ZNF462: variants seen among roughly 807,000 people sequenced by gnomAD.
ZNF462 encodes zinc finger PBX1-interacting protein.
Under a neutral mutation model 201.9 loss-of-function variants are expected in ZNF462, and 10 were observed. The ratio of observed to expected loss-of-function variants is 0.05; its 90% CI spans 0.03 to 0.08. The LOEUF (loss-of-function observed/expected upper bound fraction) is 0.08. ZNF462 is among the 10% of genes least tolerant of loss of function. The pLI, the probability that ZNF462 is intolerant of heterozygous loss-of-function variation, is 1.00. For missense variants in ZNF462, 2,523 were observed against 3,168.3 expected (o/e 0.80, Z 4.89); for synonymous variants, 1,227 against 1,193.3 (o/e 1.03, Z -0.58).
rs1222347169 is a variant in ZNF462, at chr9:106,928,218, C to G, written c.4306C>G (p.Pro1436Ala). The G allele has an allele frequency of 1.2e-6, 2 of 1,614,160 alleles. No individual in the cohort carries two copies. The highest frequency in any genetic ancestry group is 1.1e-5 in the South Asian group (1 of 91,080). Reference protein sequence around the residue: ...PVNCENSIPTPFPEQEAECPE... With the variant: ...PVNCENSIPTAFPEQEAECPE... ...GAATTGTGAAAACAGTATACCCACC[C>G]CTTTCCCGGAGCAGGAAGCTGAATG... Residue 1436 changes from proline (P) to alanine (A), a missense_variant, in exon 3 of 13, where the codon CCT becomes GCT. This residue lies in a region of ZNF462 where 165 missense variants were observed against 142.6 expected (regional missense o/e 1.16). Transcript: ENST00000277225. The surrounding 1 kb of genome is among the most constrained non-coding windows in gnomAD (Gnocchi z 9.3).
At chr9:106,909,637 C>T (rs1276448177) in intron 1 of ZNF462, among the ~76,000 whole-genome samples, 3 of 152,104 alleles carry the variant, frequency 2.0e-5, no homozygotes, top group South Asian at 2.1e-4. Flanking sequence ...TTGAATACTT[C>T]GGTATTGTTC....
chr9:106,939,054 C>G lies in ZNF462; in HGVS notation c.6374C>G (p.Ser2125Cys). 1 of 1,613,410 alleles carries G rather than the reference C, an allele frequency of 6.2e-7. No individual in the cohort carries two copies. The highest frequency in any genetic ancestry group is 8.5e-7 in the Non-Finnish European group (1 of 1,179,770). ...ATCGTCAGTCTCCTCTCCTCACACT[C>G]CCACCACTCCTCCCAAAAAGCTACC... ...PRIVSLLSSH[S>C]HHSSQKATPA... Residue 2125 changes from serine to cysteine, a missense_variant, in exon 7 of 13, where the codon TCC (serine) becomes TGC (cysteine). By Grantham distance (112) the Ser-to-Cys change is moderately radical (BLOSUM62 -1). Around this residue, in one of 15 missense-constraint regions of ZNF462, gnomAD observed 138 missense variants for 146.3 expected, o/e 0.94. Transcript: ENST00000277225.
At chr9:106,948,965 C>A (rs1262104540) in intron 7 of ZNF462, among the ~76,000 whole-genome samples, 1 of 152,050 alleles carries the variant, frequency 6.6e-6, no homozygotes, top group Non-Finnish European at 1.5e-5. Context: ...GGCTCACTCA[C>A]CTCCTCAAAA....
At chr9:106,943,594 A>G (rs531911588) in intron 7 of ZNF462, among the ~76,000 whole-genome samples, 10 of 152,152 alleles carry the variant, frequency 6.6e-5, no homozygotes, top group Non-Finnish European at 1.5e-4. Context: ...CTACTAGTCC[A>G]TGACTTTCAC....
chr9:106,864,343 C>G (rs1337124073), intron 1 of ZNF462, among the ~76,000 whole-genome samples: 2 of 151,864 alleles, frequency 1.3e-5, no homozygotes, highest in African/African-American at 4.8e-5. Context: ...ACGCTTGGCT[C>G]TCCTCTGAGG....
At position 106,870,101 on chromosome 9, in the gene ZNF462, T is replaced by C. The variant is rs574667360; in HGVS notation, c.-31+6746T>C. ...AGGATTTTTAAAGTGTTTGGATGTG[T>C]GATTCCAACACAAAGTTAATTATTT... On this transcript the variant is annotated intron_variant, in intron 1 of 12. Coordinates refer to ENST00000277225, the MANE Select transcript of ZNF462 (RefSeq NM_021224.6). This position sits in a 1 kb window ranked among gnomAD's most constrained non-coding sequence, Gnocchi z 4.3. Among the ~76,000 whole-genome samples, 1 of 152,344 alleles carries C rather than the reference T, an allele frequency of 6.6e-6. No homozygotes were observed. The highest frequency in any genetic ancestry group is 1.9e-4 in the East Asian group (1 of 5,182).
Position 106,920,978 on chromosome 9 carries a change from A to G in ZNF462, c.-30-2376A>G, listed in dbSNP as rs2131401409. 6.6e-6 allele frequency among the ~76,000 whole-genome samples: 1 copy of G among 152,316 alleles called. No homozygotes were observed. Reference sequence around the variant, plus strand: ...CTCTCTGCTACACAATGGAGCTTTCAGAGAACCTCCTTTAAAAGGAATAGC... The same window carrying G: ...CTCTCTGCTACACAATGGAGCTTTCGGAGAACCTCCTTTAAAAGGAATAGC... On this transcript the variant is annotated intron_variant, in intron 1 of 12. Coordinates refer to ENST00000277225, the MANE Select transcript of ZNF462 (RefSeq NM_021224.6). The surrounding 1 kb of genome is among the most constrained non-coding windows in gnomAD (Gnocchi z 4.3).
intron 1 of ZNF462, among the ~76,000 whole-genome samples, chr9:106,906,423 A>T (rs183973123): frequency 6.6e-6 from 1 of 152,158 alleles, no homozygotes; most frequent in Non-Finnish European, 1.5e-5. Context: ...GATAACAGAG[A>T]TCCCTGCTTT....
intron 10 of ZNF462, among the ~76,000 whole-genome samples, chr9:106,994,331 C>G (rs774092948): frequency 2.6e-5 from 4 of 152,016 alleles, no homozygotes; most frequent in Non-Finnish European, 4.4e-5. Flanking sequence ...AATAAAATTG[C>G]TGAGTTTTTT....
chr9:106,917,700 T>C lies in ZNF462; in HGVS notation c.-30-5654T>C, dbSNP rs1322752907. Among the ~76,000 whole-genome samples, 1 of 152,158 alleles carries C rather than the reference T, an allele frequency of 6.6e-6. No homozygotes were observed. Among genetic ancestry groups the C allele is most frequent in the East Asian group, 1.9e-4 (1 of 5,200 alleles). On this transcript the variant is annotated intron_variant, in intron 1 of 12. Transcript: ENST00000277225. The surrounding 1 kb of genome is among the most constrained non-coding windows in gnomAD (Gnocchi z 4.5). Reference sequence around the variant, plus strand: ...AGTACACAGAACTGCTTAGATCATGTAGCAAAAAGTATAAACATTTGATAG... The same window carrying C: ...AGTACACAGAACTGCTTAGATCATGCAGCAAAAAGTATAAACATTTGATAG...
intron 10 of ZNF462, among the ~76,000 whole-genome samples, chr9:106,994,736 G>T (rs1366807394): frequency 6.6e-6 from 1 of 152,096 alleles, no homozygotes; most frequent in African/African-American, 2.4e-5. Flanking sequence ...TTTCAGAGGG[G>T]TGTGTCTGGC....
rs16925903 is a variant in ZNF462 at position 106,895,620 on chromosome 9, G to C, written c.-30-27734G>C. ...GGGAAGGCTCTGACATTTGAAACTG[G>C]ATAGATCTTACGTTATTTAATCCCT... On this transcript the variant is annotated intron_variant, in intron 1 of 12. Coordinates refer to ENST00000277225, the MANE Select transcript of ZNF462 (RefSeq NM_021224.6). This position sits in a 1 kb window ranked among gnomAD's most constrained non-coding sequence, Gnocchi z 4.4. Among the ~76,000 whole-genome samples the C allele has an allele frequency of 0.012, 1,842 of 152,256 alleles. 31 individuals carry two copies. The highest frequency in any genetic ancestry group is 0.042 in the African/African-American group (1,734 of 41,538).
At chr9:106,911,427 C>A (rs373686725) in intron 1 of ZNF462, among the ~76,000 whole-genome samples, 213 of 152,208 alleles carry the variant, frequency 1.4e-3, no homozygotes, top group African/African-American at 5.0e-3. Context: ...GGAAGGAAAA[C>A]TTGAGCTTGG....
In ZNF462 at chr9:106,941,504, A is replaced by G. The variant is rs565361726; in HGVS notation, c.6427+2397A>G. ...GCCACAGGGAAATAATTTGCAATAT[A>G]TAAAAGGGATTCTTACTTTTATCCT... On this transcript the variant is annotated intron_variant, in intron 7 of 12. Coordinates refer to ENST00000277225, the MANE Select transcript of ZNF462 (RefSeq NM_021224.6). Among the ~76,000 whole-genome samples, 6 of 152,346 alleles carry G rather than the reference A, an allele frequency of 3.9e-5. No individual in the cohort carries two copies. The East Asian group carries it at 9.7e-4, about 25-fold the overall frequency.
chr9:106,889,342 C>T (rs911438647), intron 1 of ZNF462, among the ~76,000 whole-genome samples: 3 of 152,284 alleles, frequency 2.0e-5, no homozygotes, highest in South Asian at 2.1e-4. Context: ...GGGTTGTGAT[C>T]GTTAACGAGC....
rs944100201 is a variant in ZNF462, at chr9:106,972,479, G to A, written c.6695+207G>A. Among the ~76,000 whole-genome samples the A allele has an allele frequency of 6.6e-6, 1 of 152,134 alleles. No individual in the cohort carries two copies. The highest frequency in any genetic ancestry group is 2.4e-5 in the African/African-American group (1 of 41,434). On this transcript the variant is annotated intron_variant, in intron 8 of 12. Coordinates refer to ENST00000277225, the MANE Select transcript of ZNF462 (RefSeq NM_021224.6). This position sits in a 1 kb window ranked among gnomAD's most constrained non-coding sequence, Gnocchi z 4.8. Reference sequence around the variant, plus strand: ...TGGGAAGGGATGAAGAGCTATATCAGAACAAATGAGTTTTAAAATTGGAGC... The same window carrying A: ...TGGGAAGGGATGAAGAGCTATATCAAAACAAATGAGTTTTAAAATTGGAGC...
Position 106,886,556 on chromosome 9 carries a change from T to G in ZNF462, c.-31+23201T>G, listed in dbSNP as rs1365148296. Among the ~76,000 whole-genome samples, 1 of 152,058 alleles carries G rather than the reference T, an allele frequency of 6.6e-6. No individual in the cohort carries two copies. The highest frequency in any genetic ancestry group is 1.5e-5 in the Non-Finnish European group (1 of 68,004). On this transcript the variant is annotated intron_variant, in intron 1 of 12. Coordinates refer to ENST00000277225, the MANE Select transcript of ZNF462 (RefSeq NM_021224.6). This position sits in a 1 kb window ranked among gnomAD's most constrained non-coding sequence, Gnocchi z 4.6. The stretch of plus-strand genomic sequence containing the variant: ...TCAGCTACAAAAAAAATAGAAGAGA[T>G]AGGGTCTGAAAAGGAAGGAGCTCCT...
chr9:106,988,488 T>C (rs772306858), intron 10 of ZNF462, among the ~76,000 whole-genome samples: 22 of 152,158 alleles, frequency 1.4e-4, no homozygotes, highest in Non-Finnish European at 3.1e-4. Context: ...CTCAGAGTTA[T>C]TATTTTTGCT....
At position 106,984,585 on chromosome 9, in the gene ZNF462, T is replaced by C. The variant is rs1001427132; in HGVS notation, c.7056+176T>C. On this transcript the variant is annotated intron_variant, in intron 10 of 12. Transcript: ENST00000277225. This position sits in a 1 kb window ranked among gnomAD's most constrained non-coding sequence, Gnocchi z 6.4. ...GAAACGTAAGGTCATTTTTAAAAAT[T>C]GCGAAACACAGGTTGGGTGGAAGGG... Among the ~76,000 whole-genome samples, 1 of 152,172 alleles carries C rather than the reference T, an allele frequency of 6.6e-6. No homozygotes were observed. The highest frequency in any genetic ancestry group is 6.5e-5 in the Admixed American group (1 of 15,282).
Sources: gnomAD v4.1 joint callset for allele counts (sites outside exome capture counted in the v4.1 genomes callset) on GRCh38, gnomAD v4.1.1 for gene constraint, gnomAD v4.1.1 regional missense constraint, Gnocchi (gnomAD v3.1) non-coding constraint, MANE v1.5 for transcripts, NCBI Gene and HGNC (gene_info 2026-07-23, HGNC 2026-07-21) for gene names.